The following MIS18BP1 variants were observed in gnomAD, a reference collection of about 807,000 sequenced individuals.
MIS18BP1 encodes MIS18 binding protein 1.
In MIS18BP1, 72 loss-of-function variants were observed where a neutral mutation model predicts 116.1. The observed-to-expected ratio is 0.62, with a 90% CI of 0.51 to 0.75. The LOEUF is 0.75. MIS18BP1 is among the 30% of genes least tolerant of loss of function. The probability of loss-of-function intolerance (pLI) is 0.00; values close to 1 mark genes in which losing one functional copy is unlikely to be tolerated. For synonymous variants in MIS18BP1, 386 were observed against 427.0 expected (o/e 0.90, Z 1.18); for missense variants, 1,363 against 1,303.2 (o/e 1.05, Z -0.71).
At position 45,226,749 on chromosome 14, in the gene MIS18BP1, TCTGA is replaced by T; in HGVS notation, c.1830_1833del (p.Ser610ArgfsTer16). ...ACCATTAAAGATATATTACCTTGCTTCTGACTTTTTATTATCCTTTCATTTGTTC... is the reference window on the plus strand; with the variant it reads ...ACCATTAAAGATATATTACCTTGCTTCTTTTTATTATCCTTTCATTTGTTC... On this transcript the variant is annotated frameshift_variant, in exon 10 of 17. Transcript: ENST00000310806. LOFTEE classifies it high-confidence loss of function. 1.4e-6 allele frequency: 2 copies of T among 1,393,610 alleles called. No individual in the cohort carries two copies. The highest frequency in any genetic ancestry group is 1.9e-6 in the Non-Finnish European group (2 of 1,050,950). 86.3% of individuals were successfully genotyped at this position (1,393,610 alleles called of 1,614,324 possible).
chr14:45,208,330 G>GTTTTTTTTTTTTTTTTTT (rs1166566812), intron 14 of MIS18BP1, among the ~76,000 whole-genome samples: 1 of 120,942 alleles, frequency 8.3e-6, no homozygotes, highest in Admixed American at 9.0e-5. Flanking sequence ...GGATGAAGTT[G>GTTTTTTTTTTTTTTTTTT]TTTTTTTTTT....
Position 45,227,729 on chromosome 14 carries a change from TA to T in MIS18BP1, c.1679del (p.Leu560Ter), listed in dbSNP as rs1566812405. 2.5e-6 allele frequency: 4 copies of T among 1,613,818 alleles called. No individual in the cohort carries two copies. The highest frequency in any genetic ancestry group is 3.4e-6 in the Non-Finnish European group (4 of 1,179,706). ...TATTTACTTGGTCATCTGGGAACCT[TA>T]ATGTTGGTTTATTTTGGCAATTACT... ...CHSNCQNKPTLRFPDDQVNNT... is the reference protein window; with the variant it reads ...CHSNCQNKPTXRFPDDQVNNT... On this transcript the variant is annotated frameshift_variant, in exon 9 of 17. Coordinates refer to ENST00000310806, the MANE Select transcript of MIS18BP1 (RefSeq NM_018353.5). LOFTEE classifies it high-confidence loss of function.
chr14:45,235,105 C>T (rs1023589099), intron 6 of MIS18BP1, among the ~76,000 whole-genome samples: 1 of 151,056 alleles, frequency 6.6e-6, no homozygotes, highest in Non-Finnish European at 1.5e-5. Flanking sequence ...ACTCGGGAGG[C>T]TGAGGCATGA....
intron 1 of MIS18BP1, among the ~76,000 whole-genome samples, chr14:45,248,065 T>C (rs1280014616): frequency 1.3e-5 from 2 of 148,914 alleles, no homozygotes; most frequent in African/African-American, 5.0e-5. Context: ...GTTTTTTTTT[T>C]TTTTTTTTCT....
chr14:45,211,888 C>T (rs575688780), intron 13 of MIS18BP1, among the ~76,000 whole-genome samples: 1 of 152,338 alleles, frequency 6.6e-6, no homozygotes, highest in East Asian at 1.9e-4. Flanking sequence ...GCTTCCAAAG[C>T]TTCACTGATA....
intron 1 of MIS18BP1, among the ~76,000 whole-genome samples, chr14:45,252,703 G>A (rs1891911575): frequency 6.6e-6 from 1 of 151,880 alleles, no homozygotes; most frequent in Non-Finnish European, 1.5e-5. Flanking sequence ...ATAGCCCTGT[G>A]GGTCCTGGGG....
At chr14:45,230,987 A>C (rs1395718015) in intron 8 of MIS18BP1, among the ~76,000 whole-genome samples, 154 bp downstream of exon 8, 1 of 152,188 alleles carries the variant, frequency 6.6e-6, no homozygotes, top group African/African-American at 2.4e-5. Flanking sequence ...GTTACTTCTC[A>C]TATAGTAGTG....
chr14:45,244,347 C>T (rs1891670786), intron 2 of MIS18BP1, among the ~76,000 whole-genome samples: 1 of 152,166 alleles, frequency 6.6e-6, no homozygotes, highest in South Asian at 2.1e-4. Flanking sequence ...ATTAAAATCT[C>T]AATTTTAATT....
At chr14:45,243,969 T>C (rs778392562) in intron 2 of MIS18BP1, among the ~76,000 whole-genome samples, 1 of 152,198 alleles carries the variant, frequency 6.6e-6, no homozygotes, top group East Asian at 1.9e-4. Context: ...AACTTTAATA[T>C]GTATTATTTC....
chr14:45,204,126 T>C lies in MIS18BP1; in HGVS notation c.3382A>G (p.Asn1128Asp). 1 of 1,609,654 alleles carries C rather than the reference T, an allele frequency of 6.2e-7. No individual in the cohort carries two copies. The highest frequency in any genetic ancestry group is 1.1e-5 in the South Asian group (1 of 89,956). Residue 1128 changes from asparagine to aspartate, a missense_variant, in exon 17 of 17, where the codon AAC (asparagine) becomes GAC (aspartate). Coordinates refer to ENST00000310806, the MANE Select transcript of MIS18BP1 (RefSeq NM_018353.5). The part of the protein sequence containing the change: ...DEEEKDYYFS[N>D]SDSA ...TCATTTTACTATGCAGAATCAGAGT[T>C]CGAAAAATAATAATCTTTCTCTTCT... is the stretch of plus-strand genomic sequence containing the variant.
At chr14:45,236,892 A>G (rs1891443196) in intron 5 of MIS18BP1, among the ~76,000 whole-genome samples, 1 of 152,194 alleles carries the variant, frequency 6.6e-6, no homozygotes, top group Non-Finnish European at 1.5e-5. Flanking sequence ...AACAAAGGCA[A>G]TCTACACTGC....
At position 45,231,434 on chromosome 14, in the gene MIS18BP1, A is replaced by G. The variant is rs1485059919; in HGVS notation, c.1437-136T>C. 5.7e-6 allele frequency: 4 copies of G among 704,628 alleles called. No individual in the cohort carries two copies. The African/African-American group carries it at 7.2e-5, about 13-fold the overall frequency. The allele number at this position is 704,628 out of a possible 1,614,324, so 43.6% of individuals were successfully genotyped here. A position where few individuals can be genotyped will look rare whatever the true frequency, so the allele number is the denominator to read the frequency against. On this transcript the variant is annotated intron_variant, in intron 7 of 16. Coordinates refer to ENST00000310806, the MANE Select transcript of MIS18BP1 (RefSeq NM_018353.5). ...GGCAGGGTATCTTTAATCTTACATT[A>G]TTAATCCTTCATGGCTTTCACTCCC...
At chr14:45,252,110 T>G (rs1012734692) in intron 1 of MIS18BP1, among the ~76,000 whole-genome samples, 5 of 152,294 alleles carry the variant, frequency 3.3e-5, no homozygotes, top group Admixed American at 3.3e-4. Flanking sequence ...CCAAGGTCAC[T>G]TGACAATAAG....
chr14:45,242,658 TG>T (rs1891614333), intron 3 of MIS18BP1, 102 bp downstream of exon 3: 1 of 1,450,770 alleles, frequency 6.9e-7, no homozygotes, highest in African/African-American at 1.4e-5. Flanking sequence ...TTCAAGCTTT[TG>T]TCCACAGCTA....
At chr14:45,235,129 C>A (rs139289593) in intron 6 of MIS18BP1, among the ~76,000 whole-genome samples, 1 of 150,428 alleles carries the variant, frequency 6.6e-6, no homozygotes, top group East Asian at 2.0e-4. Context: ...ATCGCTTGAA[C>A]TTAGGAGGTG....
intron 11 of MIS18BP1, among the ~76,000 whole-genome samples, chr14:45,221,177 G>C (rs916569656): frequency 2.6e-5 from 4 of 151,476 alleles, no homozygotes; most frequent in African/African-American, 9.7e-5. Flanking sequence ...GGTGGCTCAA[G>C]CCTGTAATCC....
At chr14:45,215,152 A>G (rs1890781225) in intron 13 of MIS18BP1, among the ~76,000 whole-genome samples, 1 of 152,256 alleles carries the variant, frequency 6.6e-6, no homozygotes, top group African/African-American at 2.4e-5. Context: ...AGTGGACCAT[A>G]GCGTTTTGAA....
chr14:45,238,241 C>T (rs1891480172), intron 4 of MIS18BP1, among the ~76,000 whole-genome samples: 1 of 151,012 alleles, frequency 6.6e-6, no homozygotes, highest in African/African-American at 2.4e-5. Context: ...GCTCAGAGAA[C>T]TCTTTATTAT....
Position 45,226,855 on chromosome 14 carries a change from C to G in MIS18BP1, c.1747-19G>C. The stretch of plus-strand genomic sequence containing the variant: ...TTAATTCCTTCAAAACAAAAAGATA[C>G]CTAGGTTTTATTTTAAAACTACTAC... On this transcript the variant is annotated intron_variant, in intron 9 of 16. Coordinates refer to ENST00000310806, the MANE Select transcript of MIS18BP1 (RefSeq NM_018353.5). 1.5e-6 allele frequency: 2 copies of G among 1,325,212 alleles called. No homozygotes were observed. The highest frequency in any genetic ancestry group is 2.0e-6 in the Non-Finnish European group (2 of 1,009,486). 82.1% of individuals were successfully genotyped at this position (1,325,212 alleles called of 1,614,324 possible). A position where few individuals can be genotyped will look rare whatever the true frequency, so the allele number is the denominator to read the frequency against.
Sources: gnomAD v4.1 joint callset for allele counts (sites outside exome capture counted in the v4.1 genomes callset) on GRCh38, gnomAD v4.1.1 for gene constraint, MANE v1.5 for transcripts, NCBI Gene and HGNC (gene_info 2026-07-23, HGNC 2026-07-21) for gene names.